LRP1B: variants seen among roughly 807,000 people sequenced by gnomAD.
The protein encoded by LRP1B is LDL receptor related protein 1B.
A neutral mutation model predicts 556.6 loss-of-function variants in LRP1B; 217 were observed. The ratio of observed to expected loss-of-function variants is 0.39; its 90% confidence interval spans 0.35 to 0.44. The LOEUF is 0.44. Among genes scored for constraint, LRP1B ranks in the 20% least tolerant of loss-of-function variants. The pLI is 1.00. For missense variants in LRP1B, 5,053 were observed against 5,620.8 expected, an observed-to-expected ratio of 0.90 and a Z score of 3.23; for synonymous variants, 2,047 against 1,865.8, an observed-to-expected ratio of 1.10 and a Z score of -2.50.
At chr2:140,794,182 A>C (rs1030273087) in intron 32 of LRP1B, among the ~76,000 whole-genome samples, 2 of 152,154 alleles carry the variant, frequency 1.3e-5, no homozygotes, top group South Asian at 2.1e-4. Context: ...TGTTTTAAAG[A>C]TAGGGCAGTA....
intron 35 of LRP1B, among the ~76,000 whole-genome samples, chr2:140,731,764 C>CAAAAAAAAAAAAAAAAAAAAAAA (rs36060787): frequency 1.7e-5 from 1 of 59,388 alleles, no homozygotes. Context: ...GAGACTCCGT[C>CAAAAAAAAAAAAAAAAAAAAAAA]AAAAAAAAAA....
intron 34 of LRP1B, among the ~76,000 whole-genome samples, chr2:140,769,989 C>T (rs1234776430): frequency 6.6e-6 from 1 of 151,878 alleles, no homozygotes; most frequent in African/African-American, 2.4e-5. Flanking sequence ...AGTACACACT[C>T]TAATGCTTAT....
At chr2:141,549,555 C>A (rs943123886) in intron 2 of LRP1B, among the ~76,000 whole-genome samples, 1 of 152,106 alleles carries the variant, frequency 6.6e-6, no homozygotes, top group African/African-American at 2.4e-5. Flanking sequence ...AATCTTTTGT[C>A]GGCCTTTCTC....
intron 15 of LRP1B, among the ~76,000 whole-genome samples, chr2:140,995,873 C>T (rs1203690284): frequency 6.6e-6 from 1 of 151,964 alleles, no homozygotes; most frequent in Non-Finnish European, 1.5e-5. Flanking sequence ...TACTATTCTC[C>T]TGTATCTAAG....
At chr2:141,855,196 C>T (rs554002589) in intron 1 of LRP1B, among the ~76,000 whole-genome samples, 14 of 152,140 alleles carry the variant, frequency 9.2e-5, no homozygotes, top group African/African-American at 3.4e-4. Context: ...ACCACTCGAG[C>T]ATGACCATTC....
In LRP1B at chr2:140,563,234, A is replaced by G. The variant is rs115728287; in HGVS notation, c.7195-21263T>C. Among the ~76,000 whole-genome samples the G allele has an allele frequency of 2.8e-3, 433 of 152,140 alleles. 3 individuals are homozygous for G. The highest frequency in any genetic ancestry group is 5.3e-3 in the Admixed American group (81 of 15,248). ...CACATACACACATGCACTACTGTGA[A>G]ACAACAGACAAAGTCTAATCAAGGC... On this transcript the variant is annotated intron_variant, in intron 43 of 90. Transcript: ENST00000389484.
chr2:141,985,823 C>A (rs756315477), intron 1 of LRP1B, among the ~76,000 whole-genome samples: 20 of 151,854 alleles, frequency 1.3e-4, no homozygotes, highest in African/African-American at 4.1e-4. Context: ...TTCTGTATAG[C>A]AAATATGTTT....
At chr2:141,320,273 T>A (rs1012715603) in intron 3 of LRP1B, among the ~76,000 whole-genome samples, 2 of 152,104 alleles carry the variant, frequency 1.3e-5, no homozygotes, top group Non-Finnish European at 2.9e-5. Flanking sequence ...TCATTGTGAT[T>A]AGTCTTATAA....
At chr2:140,427,414 C>T (rs1685711099) in intron 66 of LRP1B, among the ~76,000 whole-genome samples, 1 of 152,046 alleles carries the variant, frequency 6.6e-6, no homozygotes, top group South Asian at 2.1e-4. Flanking sequence ...TCCGTTCGTC[C>T]TTCTTCTCCC....
chr2:141,326,350 A>T (rs1437864149), intron 3 of LRP1B, among the ~76,000 whole-genome samples: 2 of 152,100 alleles, frequency 1.3e-5, no homozygotes, highest in East Asian at 3.9e-4. Context: ...TTAAGTTAAT[A>T]AGTATAAGTT....
chr2:141,108,577 T>C lies in LRP1B; in HGVS notation c.1014-46304A>G, dbSNP rs575723002. Among the ~76,000 whole-genome samples the C allele has an allele frequency of 1.3e-4, 20 of 152,188 alleles. No individual in the cohort carries two copies. In the East Asian group the frequency reaches 3.9e-3, roughly 29 times the overall value. ...GTTGGCCAGGCTGGTCTTGAACTCC[T>C]GACCTCAGGTCATCCACCCACCTCA... On this transcript the variant is annotated intron_variant, in intron 7 of 90. Coordinates refer to ENST00000389484, the MANE Select transcript of LRP1B (RefSeq NM_018557.3).
intron 2 of LRP1B, among the ~76,000 whole-genome samples, chr2:141,631,574 A>T (rs900470): frequency 0.78 from 115,083 of 148,302 alleles, 44,842 homozygotes; most frequent in East Asian, 0.92. Flanking sequence ...AATTCACAGC[A>T]ATCAATCAGA....
At chr2:140,373,274 A>G (rs1683073266) in intron 68 of LRP1B, 137 bp from the exon 69 acceptor site, 1 of 721,718 alleles carries the variant, frequency 1.4e-6, no homozygotes, top group Non-Finnish European at 2.2e-6. Context: ...CTCTGTCAAA[A>G]ACAACATAGA....
At chr2:141,964,690 G>T (rs1284971865) in intron 1 of LRP1B, among the ~76,000 whole-genome samples, 1 of 150,156 alleles carries the variant, frequency 6.7e-6, no homozygotes, top group Non-Finnish European at 1.5e-5. Flanking sequence ...CGTGGGCAAG[G>T]ACTTCATGTC....
intron 66 of LRP1B, among the ~76,000 whole-genome samples, chr2:140,397,821 C>A (rs143661187): frequency 5.3e-5 from 8 of 152,138 alleles, no homozygotes; most frequent in African/African-American, 1.2e-4. Context: ...GATGTGGATA[C>A]CTGCTTCAAA....
At chr2:140,282,732 A>C (rs1045258953) in intron 84 of LRP1B, among the ~76,000 whole-genome samples, 7 of 151,814 alleles carry the variant, frequency 4.6e-5, no homozygotes, top group Non-Finnish European at 7.4e-5. Context: ...ACCTGAGCTG[A>C]AGGTTCAAAT....
intron 3 of LRP1B, among the ~76,000 whole-genome samples, chr2:141,420,446 T>C (rs561103699): frequency 6.6e-6 from 1 of 152,340 alleles, no homozygotes; most frequent in Non-Finnish European, 1.5e-5. Flanking sequence ...AATACTTTTC[T>C]GGACCTGTGA....
At chr2:140,341,802 A>C (rs545729126) in intron 77 of LRP1B, among the ~76,000 whole-genome samples, 141 of 151,506 alleles carry the variant, frequency 9.3e-4, no homozygotes, top group African/African-American at 3.2e-3. Flanking sequence ...TTTTTAAAGG[A>C]TATCCAGCAG....
intron 1 of LRP1B, among the ~76,000 whole-genome samples, chr2:141,836,217 T>TA (rs1307183195): frequency 4.6e-5 from 7 of 151,996 alleles, no homozygotes; most frequent in Non-Finnish European, 8.8e-5. Context: ...GTCAAAATAT[T>TA]ACAGCCACTA....
Sources: gnomAD v4.1 joint callset for allele counts (sites outside exome capture counted in the v4.1 genomes callset) on GRCh38, gnomAD v4.1.1 for gene constraint, MANE v1.5 for transcripts, NCBI Gene and HGNC (gene_info 2026-07-23, HGNC 2026-07-21) for gene names.